CUX2: variants seen among roughly 807,000 people sequenced by gnomAD.
CUX2 encodes the protein cut like homeobox 2.
In CUX2, 40 loss-of-function variants were observed where a neutral mutation model predicts 144.8. The observed-to-expected ratio is 0.28, with a 90% CI of 0.21 to 0.36. CUX2 has a LOEUF of 0.36. Ranked by LOEUF, CUX2 falls within the 10% of genes least tolerant of loss-of-function variation. The pLI, the probability that CUX2 is intolerant of heterozygous loss-of-function variation, is 1.00. For missense variants in CUX2, 1,615 were observed against 1,994.0 expected (o/e 0.81, Z 3.62); for synonymous variants, 827 against 875.6 (o/e 0.94, Z 0.98).
At chr12:111,325,207 T>G (rs961055445) in intron 18 of CUX2, among the ~76,000 whole-genome samples, 1 of 150,384 alleles carries the variant, frequency 6.6e-6, no homozygotes, top group Non-Finnish European at 1.5e-5. Context: ...GGCAGGAGAA[T>G]GGTGTGAATC....
chr12:111,325,272 C>T (rs939434927), intron 18 of CUX2, among the ~76,000 whole-genome samples: 6 of 150,480 alleles, frequency 4.0e-5, no homozygotes, highest in East Asian at 2.0e-4. Context: ...CCAGCCTGGG[C>T]GACAGAGCGA....
chr12:111,090,950 A>T (rs1036614186), intron 1 of CUX2, among the ~76,000 whole-genome samples: 1 of 152,116 alleles, frequency 6.6e-6, no homozygotes, highest in Non-Finnish European at 1.5e-5. Context: ...TTGATGGAGC[A>T]CCTACTGTGT....
In CUX2 at chr12:111,287,012, C is replaced by T. The variant is rs939568925; in HGVS notation, c.302-4406C>T. 6.6e-6 allele frequency among the ~76,000 whole-genome samples: 1 copy of T among 152,098 alleles called. No homozygotes were observed. The highest frequency in any genetic ancestry group is 1.5e-5 in the Non-Finnish European group (1 of 68,022). ...AGCTTAATGACTGTTTTACACTGTA[C>T]CTGCAAAGGAAGGCAAAAAGACAGA... On this transcript the variant is annotated intron_variant, in intron 4 of 21. Coordinates refer to ENST00000261726, the MANE Select transcript of CUX2 (RefSeq NM_015267.4). The surrounding 1 kb of genome is among the most constrained non-coding windows in gnomAD (Gnocchi z 4.2).
intron 1 of CUX2, among the ~76,000 whole-genome samples, chr12:111,203,726 T>G (rs1222098726): frequency 6.6e-6 from 1 of 151,804 alleles, no homozygotes; most frequent in Non-Finnish European, 1.5e-5. Context: ...TGAGTTGGGT[T>G]TAACAGGATC....
In CUX2 at chr12:111,277,676, G is replaced by A. The variant is rs556884205; in HGVS notation, c.302-13742G>A. 2.6e-3 allele frequency among the ~76,000 whole-genome samples: 391 copies of A among 152,208 alleles called. No homozygotes were observed. Among genetic ancestry groups the A allele is most frequent in the Middle Eastern group, 6.8e-3 (2 of 294 alleles). On this transcript the variant is annotated intron_variant, in intron 4 of 21. Transcript: ENST00000261726. The surrounding 1 kb of genome is among the most constrained non-coding windows in gnomAD (Gnocchi z 5.0). ...CTATCATTTCCTGCTGGACCTCCAC[G>A]GCCCAGAGCTTTCCCTGACACACAG... is the stretch of plus-strand genomic sequence containing the variant.
intron 1 of CUX2, among the ~76,000 whole-genome samples, chr12:111,142,823 G>A (rs75277647): frequency 0.032 from 4,864 of 152,204 alleles, 272 homozygotes; most frequent in African/African-American, 0.11. Flanking sequence ...TGTAACCGCT[G>A]GGATTTTGCT....
At chr12:111,274,227 G>A (rs937268045) in intron 4 of CUX2, among the ~76,000 whole-genome samples, 1 of 152,152 alleles carries the variant, frequency 6.6e-6, no homozygotes, top group Non-Finnish European at 1.5e-5. Flanking sequence ...ACCGCGCCTG[G>A]TGAAGAACTT....
At chr12:111,290,533 T>C (rs988808342) in intron 4 of CUX2, among the ~76,000 whole-genome samples, 1 of 150,752 alleles carries the variant, frequency 6.6e-6, no homozygotes, top group Non-Finnish European at 1.5e-5. Flanking sequence ...GTTCAAGTGA[T>C]TCTCCTGCCT....
intron 1 of CUX2, among the ~76,000 whole-genome samples, chr12:111,118,096 T>C (rs2136091256): frequency 6.6e-6 from 1 of 152,286 alleles, no homozygotes; most frequent in South Asian, 2.1e-4. Context: ...TCCCAACTCT[T>C]GGCCTCTGAT....
At chr12:111,136,028 C>T (rs1428007685) in intron 1 of CUX2, among the ~76,000 whole-genome samples, 4 of 151,952 alleles carry the variant, frequency 2.6e-5, no homozygotes, top group Admixed American at 6.6e-5. Flanking sequence ...GTGCGGGGCC[C>T]GGGTGAGGAC....
intron 1 of CUX2, among the ~76,000 whole-genome samples, chr12:111,118,851 G>A (rs1398793887): frequency 6.6e-6 from 1 of 152,204 alleles, no homozygotes; most frequent in Non-Finnish European, 1.5e-5. Flanking sequence ...GGTCTGGGGT[G>A]TGTCTGGCTT....
At chr12:111,297,674 C>T (rs1367435663) in intron 8 of CUX2, among the ~76,000 whole-genome samples, 1 of 152,212 alleles carries the variant, frequency 6.6e-6, no homozygotes, top group African/African-American at 2.4e-5. Context: ...ACTTATTGAG[C>T]ACCTGCTGTT....
intron 21 of CUX2, among the ~76,000 whole-genome samples, chr12:111,344,100 A>G (rs140294355): frequency 1.3e-5 from 2 of 152,358 alleles, no homozygotes; most frequent in Non-Finnish European, 2.9e-5. Context: ...TCTGGCTCAG[A>G]GCAGAGCCTG....
At chr12:111,052,613 G>A (rs953981813) in intron 1 of CUX2, among the ~76,000 whole-genome samples, 6 of 152,122 alleles carry the variant, frequency 3.9e-5, no homozygotes, top group Non-Finnish European at 8.8e-5. Flanking sequence ...GTTTCTGTGT[G>A]TGTGTCTTTG....
chr12:111,320,077 G>T lies in CUX2; in HGVS notation c.2068G>T (p.Glu690Ter). ...CGGCACGACCCCCGCCAGCACCTCG[G>T]AGGACGCCATCAAGAGCATCCTGGA... is the stretch of plus-strand genomic sequence containing the variant. ...ANGTTPASTSEDAIKSILEQA... is the reference protein window; with the variant it reads ...ANGTTPASTS Residue 690 changes from glutamate to a stop codon, truncating the protein, a stop_gained, in exon 17 of 22, where the codon GAG becomes TAG. Transcript: ENST00000261726. LOFTEE classifies it high-confidence loss of function. This position sits in a 1 kb window ranked among gnomAD's most constrained non-coding sequence, Gnocchi z 8.1. 6.4e-7 allele frequency: 1 copy of T among 1,555,168 alleles called. No homozygotes were observed.
chr12:111,039,542 GTCT>G lies in CUX2; in HGVS notation c.63+5310_63+5312del, dbSNP rs759787820. ...CCTTTGTGGGTCACTTAAATGCATT[GTCT>G]TCTTCTTTTTTGTTTTTTCAAGATG... On this transcript the variant is annotated intron_variant, in intron 1 of 21. Coordinates refer to ENST00000261726, the MANE Select transcript of CUX2 (RefSeq NM_015267.4). This position sits in a 1 kb window ranked among gnomAD's most constrained non-coding sequence, Gnocchi z 4.2. 5.9e-5 allele frequency among the ~76,000 whole-genome samples: 9 copies of G among 152,154 alleles called. No individual in the cohort carries two copies. Among genetic ancestry groups the G allele is most frequent in the East Asian group, 1.9e-4 (1 of 5,198 alleles).
chr12:111,247,873 G>A (rs532090544), intron 3 of CUX2, among the ~76,000 whole-genome samples: 1 of 152,286 alleles, frequency 6.6e-6, no homozygotes, highest in South Asian at 2.1e-4. Context: ...CTCACCCTGT[G>A]TTTAACAGTG....
intron 3 of CUX2, among the ~76,000 whole-genome samples, chr12:111,245,791 A>G (rs573921954): frequency 6.6e-5 from 10 of 152,108 alleles, no homozygotes; most frequent in Non-Finnish European, 1.3e-4. Flanking sequence ...GTTTGTGTCC[A>G]GGTCCACAAC....
chr12:111,209,932 C>T (rs1345650651), intron 1 of CUX2, among the ~76,000 whole-genome samples: 2 of 152,176 alleles, frequency 1.3e-5, no homozygotes, highest in Non-Finnish European at 2.9e-5. Context: ...GAATGGTCTG[C>T]GCCGGGCTCC....
Sources: gnomAD v4.1 joint callset for allele counts (sites outside exome capture counted in the v4.1 genomes callset) on GRCh38, gnomAD v4.1.1 for gene constraint, Gnocchi (gnomAD v3.1) non-coding constraint, MANE v1.5 for transcripts, NCBI Gene and HGNC (gene_info 2026-07-23, HGNC 2026-07-21) for gene names.